Variants in TAS2R1 observed in about 807,000 individuals in gnomAD.
TAS2R1 encodes the protein taste 2 receptor member 1, also known as taste receptor type 2 member 1.
For missense variants in TAS2R1, 370 were observed against 353.4 expected (o/e 1.05, Z -0.38); for synonymous variants, 141 against 134.2 (o/e 1.05, Z -0.35).
chr5:9,685,000 A>G (rs1412734738), intron 1 of TAS2R1, among the ~76,000 whole-genome samples: 1 of 152,156 alleles, frequency 6.6e-6, no homozygotes, highest in African/African-American at 2.4e-5. Flanking sequence ...GGAGCACAGG[A>G]GGTATGCATG....
upstream of TAS2R1, among the ~76,000 whole-genome samples, chr5:9,717,132 G>T (rs187665834): frequency 2.6e-5 from 4 of 152,264 alleles, no homozygotes; most frequent in Non-Finnish European, 4.4e-5. Flanking sequence ...ACTCACCCTA[G>T]AAAGAGGAAA....
chr5:9,814,154 C>T, the TAS2R1 span, among the ~76,000 whole-genome samples: 1 of 152,096 alleles, frequency 6.6e-6, no homozygotes, highest in Non-Finnish European at 1.5e-5. Flanking sequence ...GTATGCAGCC[C>T]CCTTTGATGT....
the TAS2R1 span, among the ~76,000 whole-genome samples, chr5:9,763,385 C>T: frequency 6.6e-6 from 1 of 152,062 alleles, no homozygotes. Context: ...CGCCTGTAGT[C>T]CCAGCTACTC....
chr5:9,771,401 T>A, the TAS2R1 span, among the ~76,000 whole-genome samples: 1 of 152,168 alleles, frequency 6.6e-6, no homozygotes, highest in African/African-American at 2.4e-5. Flanking sequence ...TGTTAATGTG[T>A]TGTTGAATTT....
At chr5:9,726,549 A>G in the TAS2R1 span, among the ~76,000 whole-genome samples, 1 of 152,200 alleles carries the variant, frequency 6.6e-6, no homozygotes, top group African/African-American at 2.4e-5. Flanking sequence ...TATGAGCTGT[A>G]ACACTCACTG....
chr5:9,663,747 A>G (rs41501), intron 1 of TAS2R1, among the ~76,000 whole-genome samples: 95,020 of 152,106 alleles, frequency 0.62, 32,990 homozygotes, highest in Non-Finnish European at 0.78. Flanking sequence ...TTTGGATAGA[A>G]AGTTTTGCAA....
At chr5:9,704,672 C>A (rs1168977963) in intron 1 of TAS2R1, among the ~76,000 whole-genome samples, 1 of 152,174 alleles carries the variant, frequency 6.6e-6, no homozygotes, top group Non-Finnish European at 1.5e-5. Context: ...TAATATACAA[C>A]TGAGGTTCAT....
At chr5:9,727,599 T>C in the TAS2R1 span, among the ~76,000 whole-genome samples, 2 of 152,188 alleles carry the variant, frequency 1.3e-5, no homozygotes, top group African/African-American at 2.4e-5. Context: ...TTGAAAATAA[T>C]AGCAGCTAAG....
chr5:9,629,672 TCA>T (rs1356282020), downstream of TAS2R1: 1 of 1,614,134 alleles, frequency 6.2e-7, no homozygotes, highest in East Asian at 2.2e-5. Flanking sequence ...TTGGATATCC[TCA>T]TCTTCAACCA....
the TAS2R1 span, among the ~76,000 whole-genome samples, chr5:9,783,790 T>C: frequency 6.6e-6 from 1 of 152,236 alleles, no homozygotes; most frequent in African/African-American, 2.4e-5. Flanking sequence ...ACAAATCTTA[T>C]TATACATGCT....
At chr5:9,839,763 C>T in the TAS2R1 span, among the ~76,000 whole-genome samples, 3 of 152,036 alleles carry the variant, frequency 2.0e-5, no homozygotes, top group Non-Finnish European at 4.4e-5. Context: ...AAAGTAAACA[C>T]ACGTCTTTTT....
Position 9,628,106 on chromosome 5 carries a change from CAAGTAT to C in TAS2R1, c.*1021_*1026del, listed in dbSNP as rs1324045450. ...GTTCTGAAGCTGTTTTGGAAATATA[CAAGTAT>C]ATCTATCTCCATAATTTATCTATCT... On this transcript the variant is annotated 3_prime_UTR_variant, in exon 1 of 1. Coordinates refer to ENST00000382492, the MANE Select transcript of TAS2R1 (RefSeq NM_019599.3). 6.6e-6 allele frequency among the ~76,000 whole-genome samples: 1 copy of C among 151,444 alleles called. No homozygotes were observed. The highest frequency in any genetic ancestry group is 1.9e-4 in the East Asian group (1 of 5,170).
chr5:9,759,099 G>A, the TAS2R1 span, among the ~76,000 whole-genome samples: 20 of 152,276 alleles, frequency 1.3e-4, no homozygotes, highest in East Asian at 3.1e-3. Flanking sequence ...ACAAAACATC[G>A]TATCTGTCAC....
At chr5:9,895,687 C>A in the TAS2R1 span, among the ~76,000 whole-genome samples, 4 of 152,242 alleles carry the variant, frequency 2.6e-5, no homozygotes, top group East Asian at 7.7e-4. Context: ...GGCACTCTAT[C>A]AACAGATCTG....
At chr5:9,848,638 A>G in the TAS2R1 span, among the ~76,000 whole-genome samples, 1 of 152,212 alleles carries the variant, frequency 6.6e-6, no homozygotes, top group South Asian at 2.1e-4. Context: ...TACCATGTTA[A>G]TTAGCTTAAT....
At chr5:9,853,172 C>T in the TAS2R1 span, among the ~76,000 whole-genome samples, 8,849 of 152,214 alleles carry the variant, frequency 0.058, 618 homozygotes, top group East Asian at 0.23. Context: ...AAAATTAGGG[C>T]TTAGTCCAGG....
chr5:9,857,414 C>CA, the TAS2R1 span, among the ~76,000 whole-genome samples: 2 of 151,964 alleles, frequency 1.3e-5, no homozygotes, highest in Non-Finnish European at 1.5e-5. Context: ...CAATGTAACC[C>CA]AAAAATGTGA....
chr5:9,776,255 A>G, the TAS2R1 span, among the ~76,000 whole-genome samples: 4 of 152,078 alleles, frequency 2.6e-5, no homozygotes, highest in Non-Finnish European at 5.9e-5. Context: ...TCCTGTAGTC[A>G]CTGCACTCTC....
the TAS2R1 span, among the ~76,000 whole-genome samples, chr5:9,804,613 A>C: frequency 1.3e-5 from 2 of 152,290 alleles, no homozygotes; most frequent in South Asian, 2.1e-4. Context: ...ATGCAAATAC[A>C]TGGAAATTAA....
Sources: allele counts gnomAD v4.1 joint callset (sites outside exome capture counted in the v4.1 genomes callset), GRCh38; gene constraint gnomAD v4.1.1; transcripts MANE v1.5; gene names NCBI Gene and HGNC (gene_info 2026-07-23, HGNC 2026-07-21).